Variants in ZSWIM6 observed in about 807,000 individuals in gnomAD.
ZSWIM6 encodes the protein zinc finger SWIM-type containing 6, also known as zinc finger SWIM domain-containing protein 6.
A neutral mutation model predicts 113.2 loss-of-function variants in ZSWIM6; 9 were observed. The ratio of observed to expected loss-of-function variants is 0.08; its 90% CI spans 0.05 to 0.14. The LOEUF is 0.14. Ranked by LOEUF, ZSWIM6 falls within the 10% of genes least tolerant of loss-of-function variation. ZSWIM6 has a pLI of 1.00. For missense variants in ZSWIM6, 1,162 were observed against 1,552.2 expected (o/e 0.75, Z 4.22); for synonymous variants, 611 against 606.5 (o/e 1.01, Z -0.11).
chr5:61,436,911 C>A (rs1452321717), intron 1 of ZSWIM6, among the ~76,000 whole-genome samples: 2 of 152,164 alleles, frequency 1.3e-5, no homozygotes, highest in Non-Finnish European at 2.9e-5. Flanking sequence ...GGCCTGCAGT[C>A]ATTTCCACTG....
chr5:61,466,627 T>C (rs1267641284), intron 1 of ZSWIM6, among the ~76,000 whole-genome samples: 1 of 152,232 alleles, frequency 6.6e-6, no homozygotes, highest in Non-Finnish European at 1.5e-5. Context: ...TGCATGTTTA[T>C]TTCATGTCTG....
chr5:61,427,103 G>T (rs1351104201), intron 1 of ZSWIM6, among the ~76,000 whole-genome samples: 1 of 152,054 alleles, frequency 6.6e-6, no homozygotes, highest in Non-Finnish European at 1.5e-5. Flanking sequence ...ATCTATTGAT[G>T]GTTCATGACT....
At position 61,494,148 on chromosome 5, in the gene ZSWIM6, A is replaced by ACACG. The variant is rs1282747080; in HGVS notation, c.1183-112_1183-111insCACG. The ACACG allele has an allele frequency of 8.2e-3, 5,737 of 698,794 alleles. 25 individuals carry two copies. The highest frequency in any genetic ancestry group is 0.016 in the African/African-American group (887 of 53,870). 43.3% of individuals were successfully genotyped at this position (698,794 alleles called of 1,614,324 possible). A position where few individuals can be genotyped will look rare whatever the true frequency, so the allele number is the denominator to read the frequency against. ...CACACACACACACACACACACACGGAGAGAGAGAGAGAGAAACAGAGAAAA... is the reference window on the plus strand; with the variant it reads ...CACACACACACACACACACACACGGACACGGAGAGAGAGAGAGAAACAGAGAAAA... On this transcript the variant is annotated intron_variant, in intron 3 of 13. Transcript: ENST00000252744.
chr5:61,469,088 T>C (rs1747505601), intron 1 of ZSWIM6, among the ~76,000 whole-genome samples: 1 of 152,096 alleles, frequency 6.6e-6, no homozygotes, highest in Non-Finnish European at 1.5e-5. Flanking sequence ...AGAGATGGCA[T>C]TAACTGAGGA....
At chr5:61,432,040 G>A (rs1042546074) in intron 1 of ZSWIM6, among the ~76,000 whole-genome samples, 1 of 151,962 alleles carries the variant, frequency 6.6e-6, no homozygotes, top group African/African-American at 2.4e-5. Context: ...TAAAATTCAT[G>A]TCTTCAAATG....
At chr5:61,490,555 G>C (rs1231787884) in intron 2 of ZSWIM6, among the ~76,000 whole-genome samples, 1 of 151,970 alleles carries the variant, frequency 6.6e-6, no homozygotes, top group Non-Finnish European at 1.5e-5. Flanking sequence ...AATAGTCTCT[G>C]AACCTAAAAA....
chr5:61,540,936 TTG>T (rs147664762), intron 12 of ZSWIM6, among the ~76,000 whole-genome samples: 24,748 of 111,326 alleles, frequency 0.22, 1,760 homozygotes, highest in African/African-American at 0.25. Flanking sequence ...TTTTTTTTTT[TTG>T]TTGTTGTTGT....
chr5:61,400,503 T>C (rs1425149060), intron 1 of ZSWIM6, among the ~76,000 whole-genome samples: 1 of 152,194 alleles, frequency 6.6e-6, no homozygotes, highest in Non-Finnish European at 1.5e-5. Flanking sequence ...CCCAAGTTGA[T>C]TTTTTGTTAT....
At chr5:61,434,067 A>C (rs1424709120) in intron 1 of ZSWIM6, among the ~76,000 whole-genome samples, 1 of 146,360 alleles carries the variant, frequency 6.8e-6, no homozygotes, top group Admixed American at 6.9e-5. Context: ...ACATATAATA[A>C]AATATATGTA....
chr5:61,516,577 T>G (rs962967672), intron 4 of ZSWIM6, among the ~76,000 whole-genome samples: 1 of 149,188 alleles, frequency 6.7e-6, no homozygotes, highest in Non-Finnish European at 1.5e-5. Flanking sequence ...TTATATATAT[T>G]TTTCCTTTAC....
chr5:61,339,433 G>T (rs1744485627), intron 1 of ZSWIM6, among the ~76,000 whole-genome samples: 1 of 152,038 alleles, frequency 6.6e-6, no homozygotes, highest in Admixed American at 6.6e-5. Flanking sequence ...TCACATGACT[G>T]GATCTGTACT....
At chr5:61,523,423 A>AT (rs1308593959) in intron 5 of ZSWIM6, among the ~76,000 whole-genome samples, 2 of 152,218 alleles carry the variant, frequency 1.3e-5, no homozygotes, top group African/African-American at 2.4e-5. Context: ...AAAGAGAATA[A>AT]TTTTTTAATA....
chr5:61,524,810 A>G (rs2112266823), intron 5 of ZSWIM6, among the ~76,000 whole-genome samples: 1 of 152,386 alleles, frequency 6.6e-6, no homozygotes, highest in East Asian at 1.9e-4. Flanking sequence ...TAGGTTAAGT[A>G]CACATAAATA....
chr5:61,414,806 T>C (rs1172089729), intron 1 of ZSWIM6, among the ~76,000 whole-genome samples: 1 of 152,232 alleles, frequency 6.6e-6, no homozygotes, highest in African/African-American at 2.4e-5. Flanking sequence ...TGTTGAGTAA[T>C]AGATTTTTAA....
intron 1 of ZSWIM6, among the ~76,000 whole-genome samples, chr5:61,462,383 A>C (rs1390346284): frequency 6.6e-6 from 1 of 152,252 alleles, no homozygotes; most frequent in Admixed American, 6.5e-5. Flanking sequence ...TAACTGATTA[A>C]AACTAAAAGT....
At chr5:61,432,399 A>G (rs1053493240) in intron 1 of ZSWIM6, among the ~76,000 whole-genome samples, 1 of 152,204 alleles carries the variant, frequency 6.6e-6, no homozygotes, top group African/African-American at 2.4e-5. Context: ...AGAGTGAGGC[A>G]TTGTTACATA....
chr5:61,541,602 A>G (rs979052230), intron 12 of ZSWIM6, among the ~76,000 whole-genome samples: 3 of 152,206 alleles, frequency 2.0e-5, no homozygotes, highest in Non-Finnish European at 2.9e-5. Context: ...TGCAGATGAG[A>G]AAAGATAGAG....
chr5:61,375,271 G>C (rs1168588511), intron 1 of ZSWIM6: 1 of 1,612,138 alleles, frequency 6.2e-7, no homozygotes, highest in East Asian at 2.2e-5. Context: ...GGAAAAGAAA[G>C]GCTCCAAGGC....
chr5:61,520,826 T>C (rs1488462620), intron 4 of ZSWIM6, among the ~76,000 whole-genome samples: 4 of 152,186 alleles, frequency 2.6e-5, no homozygotes, highest in South Asian at 2.1e-4. Context: ...TGGAGTGATA[T>C]ATTGCAGTAT....
Sources: allele counts gnomAD v4.1 joint callset (sites outside exome capture counted in the v4.1 genomes callset), GRCh38; gene constraint gnomAD v4.1.1; transcripts MANE v1.5; gene names NCBI Gene and HGNC (gene_info 2026-07-23, HGNC 2026-07-21).